The following INPP5F variants were observed in gnomAD, a reference collection of about 807,000 sequenced individuals.
The protein encoded by INPP5F is inositol polyphosphate-5-phosphatase F.
Under a neutral mutation model 137.2 loss-of-function variants are expected in INPP5F, and 97 were observed. That is an observed-to-expected ratio of 0.71 (90% confidence interval 0.60 to 0.84). INPP5F has a LOEUF of 0.84. Ranked by LOEUF, INPP5F falls within the 40% of genes least tolerant of loss-of-function variation. INPP5F has a pLI of 0.00. For missense variants in INPP5F, 1,271 were observed against 1,371.9 expected, an observed-to-expected ratio of 0.93 and a Z score of 1.16; for synonymous variants, 504 against 476.9, an observed-to-expected ratio of 1.06 and a Z score of -0.74.
chr10:119,792,300 G>A (rs1054979791), intron 6 of INPP5F, 87 bp downstream of exon 6: 2 of 921,462 alleles, frequency 2.2e-6, no homozygotes, highest in African/African-American at 3.4e-5. Context: ...TTAAGCAAAT[G>A]TTTTTTAATT....
At chr10:119,826,430 T>G (rs1851761588) in intron 19 of INPP5F, among the ~76,000 whole-genome samples, 1 of 152,222 alleles carries the variant, frequency 6.6e-6, no homozygotes, top group Admixed American at 6.5e-5. Context: ...CTAGAAAAAT[T>G]GTAATTATGC....
At chr10:119,777,941 A>G (rs1849578943) in intron 2 of INPP5F, among the ~76,000 whole-genome samples, 1 of 152,178 alleles carries the variant, frequency 6.6e-6, no homozygotes, top group Non-Finnish European at 1.5e-5. Context: ...CTAAAATGAA[A>G]GTTGATCAGT....
chr10:119,812,258 C>A (rs1010030644), intron 15 of INPP5F, among the ~76,000 whole-genome samples: 15 of 152,134 alleles, frequency 9.9e-5, no homozygotes, highest in African/African-American at 3.4e-4. Context: ...GCCCTAGAAT[C>A]TAGGTTTATT....
chr10:119,820,806 G>A (rs1350509575), intron 15 of INPP5F, 40 bp from the exon 16 acceptor site: 5 of 1,499,294 alleles, frequency 3.3e-6, no homozygotes, highest in East Asian at 2.3e-5. Context: ...AATGCAGATG[G>A]AAATGAAAAT....
In INPP5F at chr10:119,827,721, C is replaced by T. The variant is rs1030134716; in HGVS notation, c.3340C>T (p.Gln1114Ter). ...AGAACCTGAAATCATTAATCAAGTC[C>T]AGCAAAATGAACTTAAAAAGATGTT... ...PPEPEIINQV[Q>*]QNELKKMFIQ... Residue 1114 changes from glutamine to a stop codon, truncating the protein, a stop_gained, in exon 20 of 20, where the codon CAG becomes TAG. Coordinates refer to ENST00000650623, the MANE Select transcript of INPP5F (RefSeq NM_014937.4). LOFTEE classifies it high-confidence loss of function. 2.5e-6 allele frequency: 4 copies of T among 1,613,522 alleles called. No homozygotes were observed. The African/African-American group carries it at 4.0e-5, about 16-fold the overall frequency.
At chr10:119,815,591 A>G (rs1259220937) in intron 15 of INPP5F, 2 of 252,176 alleles carry the variant, frequency 7.9e-6, no homozygotes, top group East Asian at 1.9e-4. Context: ...TGTCTGATGC[A>G]GAGTGGTTCT....
rs71019717 is a variant in INPP5F, at chr10:119,785,286, G to GTTTTTTTTTTTT, written c.315+3520_315+3531dup. Among the ~76,000 whole-genome samples, 224 of 106,214 alleles carry GTTTTTTTTTTTT rather than the reference G, an allele frequency of 2.1e-3. 21 individuals carry two copies. The highest frequency in any genetic ancestry group is 6.7e-3 in the South Asian group (15 of 2,230). 69.7% of individuals were successfully genotyped at this position (106,214 alleles called of 152,430 possible). A position where few individuals can be genotyped will look rare whatever the true frequency, so the allele number is the denominator to read the frequency against. On this transcript the variant is annotated intron_variant, in intron 3 of 19. Coordinates refer to ENST00000650623, the MANE Select transcript of INPP5F (RefSeq NM_014937.4). The stretch of plus-strand genomic sequence containing the variant: ...TAACCTTTTGTGGAACTGCCAGACT[G>GTTTTTTTTTTTT]TTTTTTTTTTTTTTTTGGAGACGGA...
chr10:119,815,228 C>G (rs915953666), intron 15 of INPP5F: 1 of 152,474 alleles, frequency 6.6e-6, no homozygotes, highest in African/African-American at 2.4e-5. Flanking sequence ...CAATTACTTT[C>G]CAATTTGTTG....
At chr10:119,767,821 G>A (rs951850982) in intron 2 of INPP5F, among the ~76,000 whole-genome samples, 2 of 152,160 alleles carry the variant, frequency 1.3e-5, no homozygotes, top group African/African-American at 2.4e-5. Flanking sequence ...ATAACAAAAT[G>A]TTCAAGTCAC....
At position 119,726,288 on chromosome 10, in the gene INPP5F, A is replaced by G. The variant is rs1847884604; in HGVS notation, c.26A>G (p.His9Arg). 6.7e-7 allele frequency: 1 copy of G among 1,492,574 alleles called. No homozygotes were observed. Among genetic ancestry groups the G allele is most frequent in the Non-Finnish European group, 8.9e-7 (1 of 1,120,772 alleles). The allele number at this position is 1,492,574 out of a possible 1,614,324, so 92.5% of individuals were successfully genotyped here. A position where few individuals can be genotyped will look rare whatever the true frequency, so the allele number is the denominator to read the frequency against. Reference protein sequence around the residue: MELFQAKDHYILQQGERAL... With the variant: MELFQAKDRYILQQGERAL... ...ATGGAGCTCTTCCAAGCCAAGGACCACTACATCCTGCAGCAGGGCGAGCGC... is the reference window on the plus strand; with the variant it reads ...ATGGAGCTCTTCCAAGCCAAGGACCGCTACATCCTGCAGCAGGGCGAGCGC... The change falls in exon 1 of 20, where the codon CAC (histidine) becomes CGC (arginine). Residue 9 changes from histidine to arginine, a missense_variant. Coordinates refer to ENST00000650623, the MANE Select transcript of INPP5F (RefSeq NM_014937.4).
intron 9 of INPP5F, among the ~76,000 whole-genome samples, 176 bp downstream of exon 9, chr10:119,798,786 CTTTT>C (rs374141329): frequency 3.0e-5 from 3 of 100,690 alleles, no homozygotes; most frequent in African/African-American, 7.1e-5. Flanking sequence ...GAGTCAGCTA[CTTTT>C]TTTTTTTTTT....
chr10:119,822,177 C>G (rs1206327102), intron 16 of INPP5F, among the ~76,000 whole-genome samples: 1 of 152,096 alleles, frequency 6.6e-6, no homozygotes, highest in African/African-American at 2.4e-5. Flanking sequence ...TGTGAGCCAC[C>G]ACGCCTGGCC....
intron 4 of INPP5F, 37 bp downstream of exon 4, chr10:119,791,682 T>G (rs199556304): frequency 6.5e-7 from 1 of 1,537,414 alleles, no homozygotes; most frequent in East Asian, 2.2e-5. Flanking sequence ...GAATTCACCT[T>G]TGATTAGTTT....
At chr10:119,792,578 T>TG (rs990187436) in intron 6 of INPP5F, among the ~76,000 whole-genome samples, 1 of 151,642 alleles carries the variant, frequency 6.6e-6, no homozygotes, top group Non-Finnish European at 1.5e-5. Flanking sequence ...TTTTTTTTTT[T>TG]TTTTTTTTTT....
chr10:119,821,492 A>G (rs1851560072), intron 16 of INPP5F, among the ~76,000 whole-genome samples: 1 of 152,190 alleles, frequency 6.6e-6, no homozygotes, highest in Non-Finnish European at 1.5e-5. Flanking sequence ...CTGTTTCCTC[A>G]CACCTTACCA....
chr10:119,828,406 C>T lies in INPP5F; in HGVS notation c.*626C>T, dbSNP rs1409243451. On this transcript the variant is annotated 3_prime_UTR_variant, in exon 20 of 20. Transcript: ENST00000650623. The stretch of plus-strand genomic sequence containing the variant: ...TGCCTATACAATGTAAACCTAGGAG[C>T]ATTAAGACTTGTCACACAGTAAACC... The T allele has an allele frequency of 6.6e-6, 1 of 152,182 alleles. No individual in the cohort carries two copies. The highest frequency in any genetic ancestry group is 1.5e-5 in the Non-Finnish European group (1 of 68,104). 9.4% of individuals were successfully genotyped at this position (152,182 alleles called of 1,614,324 possible).
In INPP5F at chr10:119,795,684, G is replaced by A. The variant is rs1275748515; in HGVS notation, c.670-1031G>A. 2.6e-5 allele frequency among the ~76,000 whole-genome samples: 4 copies of A among 152,294 alleles called. No individual in the cohort carries two copies. The East Asian group carries it at 7.8e-4, about 30-fold the overall frequency. ...CACTTCCCAGACGGGGTGGCGGCCGGGCAGAGGCTGCAATCTCGGCACTTT... is the reference window on the plus strand; with the variant it reads ...CACTTCCCAGACGGGGTGGCGGCCGAGCAGAGGCTGCAATCTCGGCACTTT... On this transcript the variant is annotated intron_variant, in intron 6 of 19. Transcript: ENST00000650623.
At chr10:119,770,159 G>A (rs1198924459) in intron 2 of INPP5F, among the ~76,000 whole-genome samples, 2 of 152,154 alleles carry the variant, frequency 1.3e-5, no homozygotes, top group South Asian at 2.1e-4. Flanking sequence ...GGGAAGTCAG[G>A]TTTCCTTGTC....
chr10:119,827,807 G>T lies in INPP5F; in HGVS notation c.*27G>T, dbSNP rs1261089867. 2.7e-6 allele frequency: 4 copies of T among 1,477,664 alleles called. No homozygotes were observed. Among genetic ancestry groups the T allele is most frequent in the African/African-American group, 1.4e-5 (1 of 70,782 alleles). The allele number at this position is 1,477,664 out of a possible 1,614,324, so 91.5% of individuals were successfully genotyped here. ...TTTTAGCCATAAGAATCCTTCCATG[G>T]CTTTTATTTAAAAATATGAAATTTT... On this transcript the variant is annotated 3_prime_UTR_variant, in exon 20 of 20. Coordinates refer to ENST00000650623, the MANE Select transcript of INPP5F (RefSeq NM_014937.4).
Sources: allele counts gnomAD v4.1 joint callset (sites outside exome capture counted in the v4.1 genomes callset), GRCh38; gene constraint gnomAD v4.1.1; transcripts MANE v1.5; gene names NCBI Gene and HGNC (gene_info 2026-07-23, HGNC 2026-07-21).